STOX2: variants seen among roughly 807,000 people sequenced by gnomAD.
STOX2 encodes the protein storkhead box 2, also known as storkhead-box protein 2.
STOX2 carries 28 observed loss-of-function variants against 60.9 expected under a neutral mutation model. The observed-to-expected ratio is 0.46, with a 90% CI of 0.34 to 0.63. The LOEUF is 0.63. Among genes scored for constraint, STOX2 ranks in the 30% least tolerant of loss-of-function variants. The pLI, the probability that STOX2 is intolerant of heterozygous loss-of-function variation, is 0.01. For synonymous variants in STOX2, 472 were observed against 463.9 expected (o/e 1.02, Z -0.22); for missense variants, 1,024 against 1,187.7 (o/e 0.86, Z 2.03).
At chr4:183,984,151 T>C (rs954506917) in intron 1 of STOX2, among the ~76,000 whole-genome samples, 2 of 152,252 alleles carry the variant, frequency 1.3e-5, no homozygotes, top group African/African-American at 4.8e-5. Context: ...CTAGCCACTT[T>C]CAGGGATATA....
intron 1 of STOX2, among the ~76,000 whole-genome samples, chr4:183,910,610 C>T (rs1443353765): frequency 6.6e-6 from 1 of 152,086 alleles, no homozygotes; most frequent in African/African-American, 2.4e-5. Flanking sequence ...GTAATTTTTT[C>T]ATTATACAGG....
At chr4:183,954,281 TTTTTTG>T (rs6148836) in intron 1 of STOX2, among the ~76,000 whole-genome samples, 1 of 150,710 alleles carries the variant, frequency 6.6e-6, no homozygotes, top group African/African-American at 2.5e-5. Context: ...GGTTTTTTTG[TTTTTTG>T]TTTTTGTTTT....
intron 1 of STOX2, among the ~76,000 whole-genome samples, chr4:183,993,254 A>C (rs1733189100): frequency 6.6e-6 from 1 of 152,220 alleles, no homozygotes; most frequent in African/African-American, 2.4e-5. Context: ...TGACTAACGA[A>C]AGGTTGCGGA....
chr4:183,842,310 T>C (rs1369477249), intron 1 of STOX2, among the ~76,000 whole-genome samples: 1 of 152,298 alleles, frequency 6.6e-6, no homozygotes, highest in East Asian at 1.9e-4. Context: ...TTGAATGGAG[T>C]ATAGAAGACT....
intron 1 of STOX2, among the ~76,000 whole-genome samples, chr4:183,927,693 A>G (rs898439058): frequency 6.6e-6 from 1 of 152,176 alleles, no homozygotes; most frequent in African/African-American, 2.4e-5. Context: ...GAGGTTGCCA[A>G]CTGATGTTTT....
At chr4:183,860,861 G>T (rs1370555334) in intron 1 of STOX2, among the ~76,000 whole-genome samples, 1 of 152,146 alleles carries the variant, frequency 6.6e-6, no homozygotes, top group Non-Finnish European at 1.5e-5. Flanking sequence ...ATTTCCATCC[G>T]AGTTTCCGTA....
intron 1 of STOX2, among the ~76,000 whole-genome samples, chr4:183,924,741 G>A (rs1033552277): frequency 3.3e-5 from 5 of 152,128 alleles, no homozygotes; most frequent in African/African-American, 4.8e-5. Context: ...AGATAGGCTC[G>A]CAAGGGTGAC....
chr4:183,940,163 A>G (rs1036752485), intron 1 of STOX2, among the ~76,000 whole-genome samples: 6 of 152,132 alleles, frequency 3.9e-5, no homozygotes, highest in African/African-American at 1.4e-4. Flanking sequence ...TTGACCTCCC[A>G]AAGTGCTGGG....
At chr4:183,962,509 A>G (rs910437237) in intron 1 of STOX2, among the ~76,000 whole-genome samples, 3 of 152,186 alleles carry the variant, frequency 2.0e-5, no homozygotes, top group Admixed American at 1.3e-4. Context: ...TTAATTTACT[A>G]TTTCATGAGC....
At chr4:183,852,686 T>A (rs1191140065) in intron 1 of STOX2, among the ~76,000 whole-genome samples, 1 of 152,212 alleles carries the variant, frequency 6.6e-6, no homozygotes, top group African/African-American at 2.4e-5. Context: ...GAGGTTCTTT[T>A]TTTCTGCATT....
intron 2 of STOX2, among the ~76,000 whole-genome samples, chr4:184,007,961 G>A (rs1733944321): frequency 1.3e-5 from 2 of 152,192 alleles, no homozygotes; most frequent in East Asian, 1.9e-4. Flanking sequence ...ATAAATTGGG[G>A]TGGGGAGTGC....
intron 1 of STOX2, among the ~76,000 whole-genome samples, chr4:183,826,833 T>G (rs1579308244): frequency 6.6e-6 from 1 of 152,202 alleles, no homozygotes; most frequent in East Asian, 1.9e-4. Flanking sequence ...AAAGGCTGTG[T>G]TTTATGTTCC....
chr4:183,841,262 G>T (rs1386530549), intron 1 of STOX2, among the ~76,000 whole-genome samples: 1 of 151,496 alleles, frequency 6.6e-6, no homozygotes, highest in Non-Finnish European at 1.5e-5. Flanking sequence ...TGAGTATGGG[G>T]TGTGATCATA....
chr4:184,017,356 A>G lies in STOX2; in HGVS notation c.*72A>G. 4 of 1,364,024 alleles carry G rather than the reference A, an allele frequency of 2.9e-6. No homozygotes were observed. The highest frequency in any genetic ancestry group is 2.8e-5 in the Admixed American group (1 of 36,194). 84.5% of individuals were successfully genotyped at this position (1,364,024 alleles called of 1,614,324 possible). ...TTACGACACTGGGACTGATGTTTAC[A>G]TCTTTGGAAAGACAAGCATCTCAAC... On this transcript the variant is annotated 3_prime_UTR_variant, in exon 4 of 4. Transcript: ENST00000308497.
At chr4:183,803,252 G>A (rs1043872013) in intron 1 of STOX2, among the ~76,000 whole-genome samples, 30 of 152,092 alleles carry the variant, frequency 2.0e-4, no homozygotes, top group Non-Finnish European at 3.7e-4. Flanking sequence ...GCTATAAGAC[G>A]AGATTTGGGT....
intron 1 of STOX2, among the ~76,000 whole-genome samples, chr4:183,975,848 A>G (rs938108188): frequency 6.6e-6 from 1 of 152,210 alleles, no homozygotes; most frequent in Non-Finnish European, 1.5e-5. Flanking sequence ...TGGTTACCAA[A>G]CCAGACAAAG....
intron 1 of STOX2, among the ~76,000 whole-genome samples, chr4:183,995,291 C>CTTTTTTTTTT (rs61681165): frequency 3.8e-5 from 3 of 79,448 alleles, no homozygotes; most frequent in African/African-American, 1.2e-4. Context: ...TTATTTTAGT[C>CTTTTTTTTTT]TTTTTTTTTT....
intron 1 of STOX2, among the ~76,000 whole-genome samples, chr4:183,942,271 C>T (rs1742772371): frequency 7.2e-6 from 1 of 138,488 alleles, no homozygotes; most frequent in Non-Finnish European, 1.5e-5. Flanking sequence ...TGTAAATTAT[C>T]TTACAAATTT....
intron 1 of STOX2, among the ~76,000 whole-genome samples, chr4:183,874,993 A>ATATATATGT (rs1560857952): frequency 2.6e-5 from 3 of 116,014 alleles, no homozygotes; most frequent in Non-Finnish European, 5.3e-5. Context: ...ATATATATAT[A>ATATATATGT]AAACTTAGAA....
Sources: gnomAD v4.1 joint callset for allele counts (sites outside exome capture counted in the v4.1 genomes callset) on GRCh38, gnomAD v4.1.1 for gene constraint, MANE v1.5 for transcripts, NCBI Gene and HGNC (gene_info 2026-07-23, HGNC 2026-07-21) for gene names.